EXOC2: variants seen among roughly 807,000 people sequenced by gnomAD.
EXOC2 encodes SEC5-like 1.
A neutral mutation model predicts 131.8 loss-of-function variants in EXOC2; 70 were observed. The ratio of observed to expected loss-of-function variants is 0.53; its 90% CI spans 0.44 to 0.65. EXOC2 has a LOEUF of 0.65. Among genes scored for constraint, EXOC2 ranks in the 30% least tolerant of loss-of-function variants. The pLI, the probability that EXOC2 is intolerant of heterozygous loss-of-function variation, is 0.00. For synonymous variants in EXOC2, 411 were observed against 398.4 expected (o/e 1.03, Z -0.38); for missense variants, 923 against 1,108.6 (o/e 0.83, Z 2.38).
intron 4 of EXOC2, among the ~76,000 whole-genome samples, chr6:619,777 T>C (rs774427607): frequency 1.3e-5 from 2 of 152,206 alleles, no homozygotes; most frequent in Non-Finnish European, 2.9e-5. Flanking sequence ...AGGAAACTAG[T>C]TGAAATACAG....
At chr6:649,759 A>G (rs1376265403) in intron 1 of EXOC2, among the ~76,000 whole-genome samples, 3 of 152,248 alleles carry the variant, frequency 2.0e-5, no homozygotes, top group African/African-American at 7.2e-5. Context: ...TGTCATATGA[A>G]TAAGCCAGTT....
intron 22 of EXOC2, among the ~76,000 whole-genome samples, chr6:533,165 G>C (rs1454323369): frequency 6.6e-6 from 1 of 152,104 alleles, no homozygotes; most frequent in Non-Finnish European, 1.5e-5. Context: ...GGGGATTATG[G>C]GGATTACAAA....
intron 1 of EXOC2, among the ~76,000 whole-genome samples, chr6:671,140 T>C (rs1288242393): frequency 1.3e-5 from 2 of 151,224 alleles, no homozygotes. Flanking sequence ...GCAAATCACT[T>C]GAGGTCAGGA....
At position 592,450 on chromosome 6, in the gene EXOC2, T is replaced by C. The variant is rs372501235; in HGVS notation, c.1192+19A>G. 3.3e-4 allele frequency: 520 copies of C among 1,596,808 alleles called. 1 individual carries two copies. Among genetic ancestry groups the C allele is most frequent in the Non-Finnish European group, 4.2e-4 (485 of 1,164,772 alleles). On this transcript the variant is annotated intron_variant, in intron 11 of 27. Coordinates refer to ENST00000230449, the MANE Select transcript of EXOC2 (RefSeq NM_018303.6). Reference sequence around the variant, plus strand: ...TGACATGAAGGAATCACACAACACATTGGAAGAGAAATCCTTGCCTTTCAG... The same window carrying C: ...TGACATGAAGGAATCACACAACACACTGGAAGAGAAATCCTTGCCTTTCAG...
At chr6:692,610 G>A (rs953192446) in intron 1 of EXOC2, among the ~76,000 whole-genome samples, 2 of 152,284 alleles carry the variant, frequency 1.3e-5, no homozygotes, top group Non-Finnish European at 2.9e-5. Context: ...CGCCTAGGCA[G>A]ACAGGTAACA....
chr6:497,318 G>T lies in EXOC2; in HGVS notation c.2559+49C>A, dbSNP rs12199503. On this transcript the variant is annotated intron_variant, in intron 25 of 27. Coordinates refer to ENST00000230449, the MANE Select transcript of EXOC2 (RefSeq NM_018303.6). The stretch of plus-strand genomic sequence containing the variant: ...ATTGATGACTAAAAACATTTTATAT[G>T]CTTTAAATAACAACAGAAGTTCAAT... 14,581 of 1,566,796 alleles carry T rather than the reference G, an allele frequency of 9.3e-3. 96 individuals carry two copies. Among genetic ancestry groups the T allele is most frequent in the Middle Eastern group, 0.027 (159 of 5,970 alleles).
chr6:673,927 A>C (rs1478255559), intron 1 of EXOC2, among the ~76,000 whole-genome samples: 1 of 152,194 alleles, frequency 6.6e-6, no homozygotes, highest in African/African-American at 2.4e-5. Context: ...TTTTTTAAAA[A>C]AAGTATTATC....
chr6:530,329 T>G (rs1390579719), intron 23 of EXOC2, among the ~76,000 whole-genome samples: 2 of 152,194 alleles, frequency 1.3e-5, no homozygotes, highest in African/African-American at 4.8e-5. Flanking sequence ...CTTCATTTAC[T>G]CCACAAACAC....
intron 1 of EXOC2, among the ~76,000 whole-genome samples, chr6:691,851 T>C (rs1398688901): frequency 1.3e-5 from 2 of 152,248 alleles, no homozygotes; most frequent in Non-Finnish European, 2.9e-5. Flanking sequence ...TCTGCTTTAA[T>C]TTATTAAGTT....
intron 1 of EXOC2, chr6:656,276 C>G: frequency 1.9e-6 from 3 of 1,614,220 alleles, no homozygotes; most frequent in Non-Finnish European, 1.7e-6. Context: ...CCATGCTCTC[C>G]AGGTCTCTGT....
intron 1 of EXOC2, chr6:657,018 G>T: frequency 1.6e-6 from 2 of 1,285,688 alleles, no homozygotes; most frequent in South Asian, 1.6e-5. Context: ...GTCCGCTGGG[G>T]TCCGTGGCGC....
At chr6:532,089 A>T (rs2473481) in intron 23 of EXOC2, among the ~76,000 whole-genome samples, 2 of 151,972 alleles carry the variant, frequency 1.3e-5, no homozygotes, top group African/African-American at 4.8e-5. Context: ...TCTTACATAG[A>T]AGTGACCAGA....
Position 564,626 on chromosome 6 carries a change from C to G in EXOC2, c.1586G>C (p.Gly529Ala). ...CCAGCCTCCGTACTGCTTGGCTTCC[C>G]CATCCCGGATGCTGAGGGGAAGCAG... ...GALLPLSIRDGEAKQYGGWEV... is the reference protein window; with the variant it reads ...GALLPLSIRDAEAKQYGGWEV... The change falls in exon 15 of 28, where the codon GGG (glycine) becomes GCG (alanine). Residue 529 changes from glycine (G) to alanine (A), a missense_variant. Transcript: ENST00000230449. 6.2e-7 allele frequency: 1 copy of G among 1,613,296 alleles called. No homozygotes were observed. The highest frequency in any genetic ancestry group is 1.7e-5 in the Admixed American group (1 of 59,878).
chr6:523,990 T>C (rs1169829076), intron 23 of EXOC2, among the ~76,000 whole-genome samples: 2 of 152,198 alleles, frequency 1.3e-5, no homozygotes, highest in African/African-American at 2.4e-5. Context: ...CATTACAATA[T>C]ATCTAGATGC....
chr6:598,158 G>T (rs1759925709), intron 9 of EXOC2, 35 bp from the exon 10 acceptor site: 3 of 1,521,648 alleles, frequency 2.0e-6, no homozygotes, highest in Non-Finnish European at 1.8e-6. Flanking sequence ...AAGATTTACA[G>T]AATGAAAATT....
chr6:522,703 TG>T (rs1765539519), intron 23 of EXOC2, among the ~76,000 whole-genome samples: 1 of 151,904 alleles, frequency 6.6e-6, no homozygotes, highest in African/African-American at 2.4e-5. Flanking sequence ...TGAGCTGGGC[TG>T]GGCTCAGGTG....
chr6:574,323 C>T (rs140323925), intron 12 of EXOC2, among the ~76,000 whole-genome samples: 2 of 152,204 alleles, frequency 1.3e-5, no homozygotes, highest in African/African-American at 4.8e-5. Flanking sequence ...GGAAGTATGC[C>T]CTCATACTTC....
At chr6:658,668 T>TTATATATATATATATATATATA (rs1561983460) in intron 1 of EXOC2, among the ~76,000 whole-genome samples, 10 of 128,024 alleles carry the variant, frequency 7.8e-5, no homozygotes, top group Non-Finnish European at 1.7e-4. Context: ...TATATATATT[T>TTATATATATATATATATATATA]TTTTTTTTTT....
chr6:583,580 G>C (rs1246147533), intron 11 of EXOC2, among the ~76,000 whole-genome samples: 4 of 152,180 alleles, frequency 2.6e-5, no homozygotes, highest in African/African-American at 7.2e-5. Flanking sequence ...TGAGTGCTAT[G>C]CTATTCCAAA....
Sources: gnomAD v4.1 joint callset for allele counts (sites outside exome capture counted in the v4.1 genomes callset) on GRCh38, gnomAD v4.1.1 for gene constraint, MANE v1.5 for transcripts, NCBI Gene and HGNC (gene_info 2026-07-23, HGNC 2026-07-21) for gene names.